ADH1B: variants seen among roughly 807,000 people sequenced by gnomAD.
The protein encoded by ADH1B is alcohol dehydrogenase 1B (class I), beta polypeptide, also known as all-trans-retinol dehydrogenase [NAD(+)] ADH1B.
ADH1B carries 29 observed loss-of-function variants against 34.6 expected under a neutral mutation model. The ratio of observed to expected loss-of-function variants is 0.84; its 90% CI spans 0.62 to 1.14. ADH1B has a LOEUF of 1.14. Among genes scored for constraint, ADH1B ranks in the 50% most tolerant of loss-of-function variants. The pLI is 0.00. For missense variants in ADH1B, 424 were observed against 468.4 expected (o/e 0.91, Z 0.87); for synonymous variants, 170 against 175.5 (o/e 0.97, Z 0.25).
chr4:99,306,299 C>G lies in ADH1B; in HGVS notation c.*1541G>C, dbSNP rs1305868665. 6.6e-6 allele frequency: 1 copy of G among 152,124 alleles called. No homozygotes were observed. 9.4% of individuals were successfully genotyped at this position (152,124 alleles called of 1,614,324 possible). Reference sequence around the variant, plus strand: ...GGGATTACAGGGATAAGCCACTGCGCCACCCCCCACCCCGCTTTAGCATTT... The same window carrying G: ...GGGATTACAGGGATAAGCCACTGCGGCACCCCCCACCCCGCTTTAGCATTT... On this transcript the variant is annotated 3_prime_UTR_variant, in exon 9 of 9. Transcript: ENST00000305046.
rs1733953287 is a variant in ADH1B, at chr4:99,318,897, A to G, written c.19-11T>C. On this transcript the variant is annotated splice_polypyrimidine_tract_variant and intron_variant, in intron 1 of 8. Coordinates refer to ENST00000305046, the MANE Select transcript of ADH1B (RefSeq NM_000668.6). Reference sequence around the variant, plus strand: ...TTTGCATTTGATTACCTAGAAAATCAAACAGAGAGATGGTGACAGTGTTTT... The same window carrying G: ...TTTGCATTTGATTACCTAGAAAATCGAACAGAGAGATGGTGACAGTGTTTT... The G allele has an allele frequency of 8.7e-6, 14 of 1,610,290 alleles. No individual in the cohort carries two copies. The highest frequency in any genetic ancestry group is 1.1e-5 in the Non-Finnish European group (13 of 1,176,536).
chr4:99,314,365 C>T (rs1288255698), intron 5 of ADH1B: 8 of 454,480 alleles, frequency 1.8e-5, no homozygotes, highest in Non-Finnish European at 3.1e-5. Context: ...GGAATCTCTG[C>T]AGGTGGACTC....
chr4:99,316,967 T>C (rs959641009), intron 3 of ADH1B: 1 of 152,124 alleles, frequency 6.6e-6, no homozygotes, highest in Non-Finnish European at 1.5e-5. Context: ...TTAACAAATA[T>C]TTTTAGCTGA....
Position 99,307,582 on chromosome 4 carries a change from T to C in ADH1B, c.*258A>G. The C allele has an allele frequency of 1.9e-6, 1 of 518,536 alleles. No homozygotes were observed. Among genetic ancestry groups the C allele is most frequent in the Non-Finnish European group, 3.4e-6 (1 of 290,566 alleles). The allele number at this position is 518,536 out of a possible 1,614,324, so 32.1% of individuals were successfully genotyped here. On this transcript the variant is annotated 3_prime_UTR_variant, in exon 9 of 9. Transcript: ENST00000305046. ...TTCCTCAATGGCAAAGGTGACACAG[T>C]AGAATGGTTAAGAAGGAAGGTTTGT...
chr4:99,320,288 A>G (rs1457387900), intron 1 of ADH1B: 1 of 152,232 alleles, frequency 6.6e-6, no homozygotes, highest in African/African-American at 2.4e-5. Flanking sequence ...TTAAGTGAGA[A>G]CATTGGATAT....
chr4:99,314,040 C>T lies in ADH1B; in HGVS notation c.609G>A (p.Gly203=), dbSNP rs763218108. 7 of 1,614,204 alleles carry T rather than the reference C, an allele frequency of 4.3e-6. No homozygotes were observed. Among genetic ancestry groups the T allele is most frequent in the Non-Finnish European group, 5.1e-6 (6 of 1,180,036 alleles). ...GSTCAVFGLG[G]VGLSAVMGCK... ...AGCCCATAACAGCAGATAGGCCGAC[C>T]CCTCCCAGGCCAAACACAGCACAGG... The change falls in exon 6 of 9, where the codon GGG becomes GGA. Residue 203 remains glycine, a synonymous_variant. Transcript: ENST00000305046.
intron 5 of ADH1B, chr4:99,314,405 A>C (rs1017118197): frequency 3.1e-6 from 1 of 325,784 alleles, no homozygotes; most frequent in East Asian, 5.5e-5. Flanking sequence ...TGGGAAGGTC[A>C]GGCTGGGAAC....
At chr4:99,319,129 C>T in intron 1 of ADH1B, 3 of 566,934 alleles carry the variant, frequency 5.3e-6, no homozygotes, top group Non-Finnish European at 9.4e-6. Flanking sequence ...TTATTTAGGC[C>T]ATTCTTATGT....
Position 99,313,989 on chromosome 4 carries a change from G to T in ADH1B, c.660C>A (p.Ile220=). The T allele has an allele frequency of 6.2e-7, 1 of 1,614,200 alleles. No individual in the cohort carries two copies. The highest frequency in any genetic ancestry group is 8.5e-7 in the Non-Finnish European group (1 of 1,180,030). ...MGCKAAGAAR[I]IAVDINKDKF... Reference sequence around the variant, plus strand: ...TGTCCTTGTTGATGTCCACCGCAATGATTCTGGCTGCTCCAGCTGCTTTAC... The same window carrying T: ...TGTCCTTGTTGATGTCCACCGCAATTATTCTGGCTGCTCCAGCTGCTTTAC... Residue 220 remains isoleucine (I), a synonymous_variant, in exon 6 of 9, where the codon ATC becomes ATA. Coordinates refer to ENST00000305046, the MANE Select transcript of ADH1B (RefSeq NM_000668.6).
chr4:99,305,558 A>AGTGTGT lies in ADH1B; in HGVS notation c.*2281_*2282insACACAC, dbSNP rs200643778. 28 of 52,644 alleles carry AGTGTGT rather than the reference A, an allele frequency of 5.3e-4. 2 individuals carry two copies. Among genetic ancestry groups the AGTGTGT allele is most frequent in the African/African-American group, 2.9e-3 (27 of 9,356 alleles). The allele number at this position is 52,644 out of a possible 1,614,324, so 3.3% of individuals were successfully genotyped here. Reference sequence around the variant, plus strand: ...TAACTATATGAACCACTTGCCCCATAGTGTATATATATATATATATATATA... The same window carrying AGTGTGT: ...TAACTATATGAACCACTTGCCCCATAGTGTGTGTGTATATATATATATATATATATA... On this transcript the variant is annotated 3_prime_UTR_variant, in exon 9 of 9. Transcript: ENST00000305046.
At chr4:99,314,309 A>G in intron 5 of ADH1B, 1 of 686,574 alleles carries the variant, frequency 1.5e-6, no homozygotes, top group Non-Finnish European at 2.4e-6. Flanking sequence ...GGGGAGCTTT[A>G]CAAAATATCC....
intron 1 of ADH1B, chr4:99,320,914 C>T: frequency 1.6e-6 from 2 of 1,269,584 alleles, no homozygotes; most frequent in Non-Finnish European, 2.0e-6. Context: ...AGACAACTTT[C>T]CTGTGTTCAT....
At chr4:99,308,193 G>T (rs1462835367) in intron 8 of ADH1B, among the ~76,000 whole-genome samples, 1 of 151,944 alleles carries the variant, frequency 6.6e-6, no homozygotes, top group Non-Finnish European at 1.5e-5. Context: ...TAAAACAACA[G>T]TGGATAATAA....
At position 99,306,558 on chromosome 4, in the gene ADH1B, G is replaced by A. The variant is rs1460171005; in HGVS notation, c.*1282C>T. On this transcript the variant is annotated 3_prime_UTR_variant, in exon 9 of 9. Transcript: ENST00000305046. Reference sequence around the variant, plus strand: ...GGTCTTTCATAATATGAAATAGAATGTAGATATTGCAACAATAGCATTTTT... The same window carrying A: ...GGTCTTTCATAATATGAAATAGAATATAGATATTGCAACAATAGCATTTTT... 1 of 152,190 alleles carries A rather than the reference G, an allele frequency of 6.6e-6. No homozygotes were observed. The highest frequency in any genetic ancestry group is 1.5e-5 in the Non-Finnish European group (1 of 68,032). The allele number at this position is 152,190 out of a possible 1,614,324, so 9.4% of individuals were successfully genotyped here.
Position 99,318,841 on chromosome 4 carries a change from A to G in ADH1B, c.64T>C (p.Phe22Leu), listed in dbSNP as rs1733951812. 6.2e-7 allele frequency: 1 copy of G among 1,613,824 alleles called. No individual in the cohort carries two copies. The highest frequency in any genetic ancestry group is 1.3e-5 in the African/African-American group (1 of 74,916). ...AAVLWEVKKPFSIEDVEVAPP... is the reference protein window; with the variant it reads ...AAVLWEVKKPLSIEDVEVAPP... ...GCAACCTCCACATCCTCAATGGAAA[A>G]GGGTTTCTTTACCTCCCATAGCACA... is the stretch of plus-strand genomic sequence containing the variant. The change falls in exon 2 of 9, where the codon TTT becomes CTT. Residue 22 changes from phenylalanine (F) to leucine (L), a missense_variant. Physicochemically the swap from Phe to Leu is conservative, Grantham distance 22 (BLOSUM62 0). Coordinates refer to ENST00000305046, the MANE Select transcript of ADH1B (RefSeq NM_000668.6).
At chr4:99,316,354 G>C in intron 3 of ADH1B, 52 bp from the exon 4 acceptor site, 1 of 1,543,418 alleles carries the variant, frequency 6.5e-7, no homozygotes, top group Non-Finnish European at 8.9e-7. Context: ...GTAATTAATA[G>C]AGCAAAGACT....
intron 6 of ADH1B, 88 bp downstream of exon 6, chr4:99,313,733 C>A (rs1420891651): frequency 1.2e-6 from 2 of 1,600,938 alleles, no homozygotes; most frequent in South Asian, 1.1e-5. Context: ...TTAAAAATAT[C>A]CTTTATACAT....
At chr4:99,317,877 T>C in intron 3 of ADH1B, 169 bp downstream of exon 3, 1 of 1,101,598 alleles carries the variant, frequency 9.1e-7, no homozygotes. Context: ...CCTGAATGCA[T>C]ACATGCTTGG....
chr4:99,308,206 T>C (rs28914786), intron 8 of ADH1B, among the ~76,000 whole-genome samples: 3,148 of 152,092 alleles, frequency 0.021, 57 homozygotes, highest in Non-Finnish European at 0.033. Context: ...GATAATAACT[T>C]GCAGTAAGTT....
Sources: gnomAD v4.1 joint callset for allele counts (sites outside exome capture counted in the v4.1 genomes callset) on GRCh38, gnomAD v4.1.1 for gene constraint, MANE v1.5 for transcripts, NCBI Gene and HGNC (gene_info 2026-07-23, HGNC 2026-07-21) for gene names.